Variants in KRR1 observed in about 807,000 individuals in gnomAD.
KRR1 encodes the protein KRR1 small subunit processome component.
In KRR1, 23 loss-of-function variants were observed where a neutral mutation model predicts 50.0. The ratio of observed to expected loss-of-function variants is 0.46; its 90% CI spans 0.33 to 0.65. KRR1 has a LOEUF of 0.65. KRR1 is among the 30% of genes least tolerant of loss of function. The probability of loss-of-function intolerance (pLI) is 0.02; values close to 1 mark genes in which losing one functional copy is unlikely to be tolerated. For synonymous variants in KRR1, 133 were observed against 146.3 expected (o/e 0.91, Z 0.66); for missense variants, 419 against 442.4 (o/e 0.95, Z 0.47).
chr12:75,511,141 A>C (rs772805348), intron 1 of KRR1, among the ~76,000 whole-genome samples: 1 of 152,196 alleles, frequency 6.6e-6, no homozygotes, highest in South Asian at 2.1e-4. Flanking sequence ...CCACTCTTGT[A>C]TATCATGACT....
rs74986206 is a variant in KRR1 at position 75,499,257 on chromosome 12, T to C, written c.*552A>G. The stretch of plus-strand genomic sequence containing the variant: ...AATCTGCAAAATGAGCAAGGTACAG[T>C]AGCACATTTTTAGGTGATTCTTAGT... On this transcript the variant is annotated 3_prime_UTR_variant, in exon 10 of 10. Coordinates refer to ENST00000229214, the MANE Select transcript of KRR1 (RefSeq NM_007043.7). 1,725 of 242,292 alleles carry C rather than the reference T, an allele frequency of 7.1e-3. 32 individuals are homozygous for C. Among genetic ancestry groups the C allele is most frequent in the African/African-American group, 0.036 (1,614 of 44,802 alleles). 15.0% of individuals were successfully genotyped at this position (242,292 alleles called of 1,614,324 possible). A position where few individuals can be genotyped will look rare whatever the true frequency, so the allele number is the denominator to read the frequency against.
At position 75,495,666 on chromosome 12, in the gene KRR1, A is replaced by G; in HGVS notation, c.*4143T>C. 6.5e-7 allele frequency: 1 copy of G among 1,546,508 alleles called. No homozygotes were observed. ...AAGTGTTTGGACAATCTCTGTGGTG[A>G]GTAAAAGGAACAATACACCAATAGA... On this transcript the variant is annotated 3_prime_UTR_variant, in exon 10 of 10. Coordinates refer to ENST00000229214, the MANE Select transcript of KRR1 (RefSeq NM_007043.7).
chr12:75,502,054 T>C (rs1408975938), intron 7 of KRR1, 54 bp from the exon 8 acceptor site: 3 of 1,419,140 alleles, frequency 2.1e-6, no homozygotes, highest in Non-Finnish European at 3.0e-6. Context: ...GGAGAAGTCA[T>C]GTCCTAAGCA....
rs1260673444 is a variant in KRR1 at position 75,506,322 on chromosome 12, T to C, written c.597A>G (p.Leu199=). The C allele has an allele frequency of 1.2e-6, 2 of 1,602,208 alleles. No homozygotes were observed. The highest frequency in any genetic ancestry group is 3.4e-5 in the Admixed American group (2 of 59,536). ...GATAATACATAGTTCTCACCTCTTTTAAGCCACTAAAAGGTCCAATGGCTG... is the reference window on the plus strand; with the variant it reads ...GATAATACATAGTTCTCACCTCTTTCAAGCCACTAAAAGGTCCAATGGCTG... ...TVSAIGPFSG[L]KEVRKVVLDT... Residue 199 remains leucine, a synonymous_variant, in exon 5 of 10, where the codon TTA becomes TTG. Transcript: ENST00000229214.
In KRR1 at chr12:75,506,072, AAT is replaced by A. The variant is rs1650532875; in HGVS notation, c.603+242_603+243del. The stretch of plus-strand genomic sequence containing the variant: ...ATTTAAATTTTATAGTGGGAGGAGT[AAT>A]AGTGTGCAGACCATCTAATTCAGAA... On this transcript the variant is annotated intron_variant, in intron 5 of 9. Coordinates refer to ENST00000229214, the MANE Select transcript of KRR1 (RefSeq NM_007043.7). 2.8e-5 allele frequency: 9 copies of A among 324,394 alleles called. No homozygotes were observed. The South Asian group carries it at 4.2e-4, about 15-fold the overall frequency. The allele number at this position is 324,394 out of a possible 1,614,324, so 20.1% of individuals were successfully genotyped here.
Position 75,496,576 on chromosome 12 carries a change from T to G in KRR1, c.*3233A>C, listed in dbSNP as rs2046352935. ...AAACCCTTCCATCCCAGTATGTTTT[T>G]TTACCATGGTGTGAAGGGGAAACTT... On this transcript the variant is annotated 3_prime_UTR_variant, in exon 10 of 10. Transcript: ENST00000229214. The G allele has an allele frequency of 6.6e-6, 1 of 152,134 alleles. No homozygotes were observed. The highest frequency in any genetic ancestry group is 1.5e-5 in the Non-Finnish European group (1 of 68,018). 9.4% of individuals were successfully genotyped at this position (152,134 alleles called of 1,614,324 possible).
Position 75,506,325 on chromosome 12 carries a change from GC to G in KRR1, c.593del (p.Gly198AlafsTer2). The G allele has an allele frequency of 2.5e-6, 4 of 1,603,190 alleles. No homozygotes were observed. Among genetic ancestry groups the G allele is most frequent in the Non-Finnish European group, 3.4e-6 (4 of 1,172,002 alleles). Reference protein sequence around the residue: ...NTVSAIGPFSGLKEVRKVVLD... With the variant: ...NTVSAIGPFSXLKEVRKVVLD... ...AATACATAGTTCTCACCTCTTTTAA[GC>G]CACTAAAAGGTCCAATGGCTGAAAC... On this transcript the variant is annotated frameshift_variant, in exon 5 of 10. Transcript: ENST00000229214. LOFTEE classifies it high-confidence loss of function.
Position 75,492,983 on chromosome 12 carries a change from TAAG to T in KRR1, c.*6823_*6825del, listed in dbSNP as rs891784719. ...ATGAAGAATGAGAAGGAATCAGACA[TAAG>T]AACTTCTGGAACAGCTGTCTAGTGG... On this transcript the variant is annotated 3_prime_UTR_variant, in exon 10 of 10. Transcript: ENST00000229214. The T allele has an allele frequency of 1.3e-5, 2 of 152,166 alleles. No individual in the cohort carries two copies. The highest frequency in any genetic ancestry group is 4.8e-5 in the African/African-American group (2 of 41,422). 9.4% of individuals were successfully genotyped at this position (152,166 alleles called of 1,614,324 possible).
chr12:75,506,307 A>T lies in KRR1; in HGVS notation c.603+9T>A. On this transcript the variant is annotated intron_variant, in intron 5 of 9. Coordinates refer to ENST00000229214, the MANE Select transcript of KRR1 (RefSeq NM_007043.7). ...TGAAAATGAATCGAAGATAATACAT[A>T]GTTCTCACCTCTTTTAAGCCACTAA... 2 of 1,542,664 alleles carry T rather than the reference A, an allele frequency of 1.3e-6. No individual in the cohort carries two copies. Among genetic ancestry groups the T allele is most frequent in the Non-Finnish European group, 1.8e-6 (2 of 1,124,098 alleles).
chr12:75,495,437 T>C lies in KRR1; in HGVS notation c.*4372A>G. On this transcript the variant is annotated 3_prime_UTR_variant, in exon 10 of 10. Coordinates refer to ENST00000229214, the MANE Select transcript of KRR1 (RefSeq NM_007043.7). Reference sequence around the variant, plus strand: ...TAGCAGCCTTCCATTTCTGCCTTCCTGTCTTCACTTCTATTACCAACTCTC... The same window carrying C: ...TAGCAGCCTTCCATTTCTGCCTTCCCGTCTTCACTTCTATTACCAACTCTC... 1 of 581,464 alleles carries C rather than the reference T, an allele frequency of 1.7e-6. No homozygotes were observed. The highest frequency in any genetic ancestry group is 3.2e-6 in the Non-Finnish European group (1 of 315,772). The allele number at this position is 581,464 out of a possible 1,614,324, so 36.0% of individuals were successfully genotyped here.
Position 75,504,085 on chromosome 12 carries a change from G to A in KRR1, c.661-11C>T. 1 of 1,571,438 alleles carries A rather than the reference G, an allele frequency of 6.4e-7. No homozygotes were observed. Among genetic ancestry groups the A allele is most frequent in the African/African-American group, 1.4e-5 (1 of 73,190 alleles). ...CTTAATCATTAAGCTCTTTAGTCATGCAACAAAGTAAAAATTTTTACTTTC... is the reference window on the plus strand; with the variant it reads ...CTTAATCATTAAGCTCTTTAGTCATACAACAAAGTAAAAATTTTTACTTTC... On this transcript the variant is annotated splice_polypyrimidine_tract_variant and intron_variant, in intron 6 of 9. Transcript: ENST00000229214.
chr12:75,499,778 A>G lies in KRR1; in HGVS notation c.*31T>C. The G allele has an allele frequency of 6.5e-7, 1 of 1,537,034 alleles. No individual in the cohort carries two copies. Among genetic ancestry groups the G allele is most frequent in the Non-Finnish European group, 8.8e-7 (1 of 1,139,210 alleles). On this transcript the variant is annotated 3_prime_UTR_variant, in exon 10 of 10. Coordinates refer to ENST00000229214, the MANE Select transcript of KRR1 (RefSeq NM_007043.7). ...ATATCTCAAAATCCTTTACAAAAGG[A>G]GATAGTTCTAGTCAAGGAGTTTTGG... is the stretch of plus-strand genomic sequence containing the variant.
intron 2 of KRR1, among the ~76,000 whole-genome samples, chr12:75,507,520 C>A (rs12815116): frequency 0.24 from 35,786 of 151,870 alleles, 4,476 homozygotes; most frequent in South Asian, 0.32. Context: ...AAGTGCTGAA[C>A]AATTCAACAT....
In KRR1 at chr12:75,492,052, C is replaced by T. The variant is rs1285641225; in HGVS notation, c.*7757G>A. On this transcript the variant is annotated 3_prime_UTR_variant, in exon 10 of 10. Transcript: ENST00000229214. The stretch of plus-strand genomic sequence containing the variant: ...TAAAGAAAACCCAGAAAAAACTAGA[C>T]AAAGCCATAATTCAGTTAGTGGTAA... 1 of 148,946 alleles carries T rather than the reference C, an allele frequency of 6.7e-6. No homozygotes were observed. The highest frequency in any genetic ancestry group is 2.5e-5 in the African/African-American group (1 of 40,594). The allele number at this position is 148,946 out of a possible 1,614,324, so 9.2% of individuals were successfully genotyped here.
intron 7 of KRR1, chr12:75,503,403 A>G (rs1342190588): frequency 1.3e-5 from 2 of 152,174 alleles, no homozygotes; most frequent in East Asian, 3.8e-4. Flanking sequence ...AAGGTGGGAC[A>G]GAAGTAAAAA....
intron 1 of KRR1, among the ~76,000 whole-genome samples, chr12:75,509,359 T>C (rs2046436115): frequency 6.6e-6 from 1 of 152,172 alleles, no homozygotes; most frequent in South Asian, 2.1e-4. Flanking sequence ...ATCTGTGTTT[T>C]ACCATGCTCA....
In KRR1 at chr12:75,505,247, T is replaced by G; in HGVS notation, c.611A>C (p.Lys204Thr). ...ATTCTTCATAGTATCAAGGACTACTTTTCTAACCTGAAATTTGCAAAGAAA... is the reference window on the plus strand; with the variant it reads ...ATTCTTCATAGTATCAAGGACTACTGTTCTAACCTGAAATTTGCAAAGAAA... ...GPFSGLKEVRKVVLDTMKNIH... is the reference protein window; with the variant it reads ...GPFSGLKEVRTVVLDTMKNIH... The change falls in exon 6 of 10, where the codon AAA (lysine) becomes ACA (threonine). Residue 204 changes from lysine (K) to threonine (T), a missense_variant. Lys to Thr is a moderately conservative substitution (Grantham distance 78). Coordinates refer to ENST00000229214, the MANE Select transcript of KRR1 (RefSeq NM_007043.7). The G allele has an allele frequency of 6.4e-7, 1 of 1,573,090 alleles. No homozygotes were observed. The highest frequency in any genetic ancestry group is 8.6e-7 in the Non-Finnish European group (1 of 1,158,634).
chr12:75,502,056 T>C, intron 7 of KRR1, 56 bp from the exon 8 acceptor site: 1 of 1,408,602 alleles, frequency 7.1e-7, no homozygotes, highest in Admixed American at 1.7e-5. Flanking sequence ...AGAAGTCATG[T>C]CCTAAGCAAG....
chr12:75,500,118 TAAAGCAGTTAG>T, intron 9 of KRR1, 167 bp from the exon 10 acceptor site: 1 of 479,688 alleles, frequency 2.1e-6, no homozygotes, highest in Non-Finnish European at 3.5e-6. Context: ...AACACTTGCC[TAAAGCAGTTAG>T]AAATTTCTTC....
Sources: allele counts gnomAD v4.1 joint callset (sites outside exome capture counted in the v4.1 genomes callset), GRCh38; gene constraint gnomAD v4.1.1; transcripts MANE v1.5; gene names NCBI Gene and HGNC (gene_info 2026-07-23, HGNC 2026-07-21).